The following EPHA10 variants were observed in gnomAD, a reference collection of about 807,000 sequenced individuals.
EPHA10 encodes EPH receptor A10.
In EPHA10, 120 loss-of-function variants were observed where a neutral mutation model predicts 109.7. The observed-to-expected ratio is 1.09, with a 90% confidence interval of 0.94 to 1.27. The LOEUF (loss-of-function observed/expected upper bound fraction) is 1.27. EPHA10 is among the 50% of genes most tolerant of loss of function. EPHA10 has a pLI of 0.00. For missense variants in EPHA10, 1,396 were observed against 1,411.1 expected, an observed-to-expected ratio of 0.99 and a Z score of 0.17; for synonymous variants, 640 against 618.9, an observed-to-expected ratio of 1.03 and a Z score of -0.51.
chr1:37,727,761 T>C (rs1327728774), intron 7 of EPHA10, among the ~76,000 whole-genome samples: 1 of 152,228 alleles, frequency 6.6e-6, no homozygotes, highest in Non-Finnish European at 1.5e-5. Context: ...CAAGATCACA[T>C]GGCTAAAAAG....
downstream of EPHA10, chr1:37,714,616 CTTGGA>C (rs1193100927): frequency 6.6e-6 from 1 of 152,218 alleles, no homozygotes; most frequent in Non-Finnish European, 1.5e-5. Flanking sequence ...GGTGACCATA[CTTGGA>C]GACAGGCCCT....
downstream of EPHA10, chr1:37,715,968 G>A (rs1371576735): frequency 1.7e-6 from 1 of 583,772 alleles, no homozygotes; most frequent in African/African-American, 1.8e-5. Context: ...ACTCAAAGAG[G>A]CACCATATCA....
intron 5 of EPHA10, 127 bp downstream of exon 5, chr1:37,752,749 C>T: frequency 4.1e-6 from 2 of 486,350 alleles, no homozygotes; most frequent in Non-Finnish European, 5.5e-6. Context: ...GGGCGGGGTG[C>T]GTGTACAGAG....
At chr1:37,756,962 A>C (rs1646396189) in intron 3 of EPHA10, among the ~76,000 whole-genome samples, 1 of 152,074 alleles carries the variant, frequency 6.6e-6, no homozygotes. Flanking sequence ...AAGTAGCTGG[A>C]ACCACAGGCA....
chr1:37,760,345 C>T (rs1454728946), intron 3 of EPHA10: 32 of 1,049,360 alleles, frequency 3.0e-5, no homozygotes, highest in Non-Finnish European at 3.5e-5. Flanking sequence ...CCTCTGTATC[C>T]AAAGCCACAG....
In EPHA10 at chr1:37,731,510, C is replaced by T. The variant is rs1292229916; in HGVS notation, c.1564G>A (p.Ala522Thr). 6.2e-7 allele frequency: 1 copy of T among 1,614,070 alleles called. No homozygotes were observed. The highest frequency in any genetic ancestry group is 1.1e-5 in the South Asian group (1 of 91,078). Residue 522 changes from alanine (A) to threonine (T), a missense_variant, in exon 7 of 17, where the codon GCT (alanine) becomes ACT (threonine). Physicochemically the swap from Ala to Thr is moderately conservative, Grantham distance 58. Coordinates refer to ENST00000373048, the MANE Select transcript of EPHA10 (RefSeq NM_001099439.2). ...PTVTVTNLKP[A>T]TRYVFQIRAA... ...CGGATCTGAAAGACGTAGCGGGTAG[C>T]CGGCTTCAGGTTGGTGACGGTGACT...
chr1:37,720,915 C>G (rs866032570), intron 11 of EPHA10, 71 bp from the exon 12 acceptor site: 3 of 1,525,180 alleles, frequency 2.0e-6, no homozygotes, highest in Non-Finnish European at 2.7e-6. Flanking sequence ...GTTTCCCCCC[C>G]AGGGTCCCAG....
chr1:37,762,733 T>A, intron 2 of EPHA10, 52 bp downstream of exon 2: 3 of 1,498,440 alleles, frequency 2.0e-6, no homozygotes, highest in Non-Finnish European at 2.7e-6. Flanking sequence ...GGAGACTGTG[T>A]CCTGGACCAC....
chr1:37,759,866 T>A (rs1301246767), intron 3 of EPHA10, among the ~76,000 whole-genome samples: 1 of 151,294 alleles, frequency 6.6e-6, no homozygotes, highest in Non-Finnish European at 1.5e-5. Flanking sequence ...TACCATGGGG[T>A]AAGTACAGAA....
chr1:37,732,767 C>T (rs980080355), intron 6 of EPHA10, among the ~76,000 whole-genome samples: 3 of 150,206 alleles, frequency 2.0e-5, no homozygotes, highest in African/African-American at 4.9e-5. Flanking sequence ...AGCTGCCAGA[C>T]ACCCGCCCAG....
intron 5 of EPHA10, among the ~76,000 whole-genome samples, chr1:37,744,140 A>C (rs1477215708): frequency 6.6e-6 from 1 of 152,212 alleles, no homozygotes; most frequent in East Asian, 1.9e-4. Context: ...TTAACCTTGG[A>C]CTAAGCAATG....
chr1:37,760,565 G>GC, intron 3 of EPHA10: 1 of 498,480 alleles, frequency 2.0e-6, no homozygotes, highest in Non-Finnish European at 2.7e-6. Context: ...CAAGTATTTG[G>GC]TCCGTGACTG....
At chr1:37,722,838 G>T in intron 10 of EPHA10, 1 of 748,826 alleles carries the variant, frequency 1.3e-6, no homozygotes, top group Non-Finnish European at 2.3e-6. Context: ...AGACCCTTCT[G>T]CCATCCTCTT....
At chr1:37,714,343 G>C (rs186521623), downstream of EPHA10, among the ~76,000 whole-genome samples, 1 of 152,210 alleles carries the variant, frequency 6.6e-6, no homozygotes, top group Non-Finnish European at 1.5e-5. Flanking sequence ...GTGTGTGCAC[G>C]TGTGTCCATG....
chr1:37,716,028 A>C lies in EPHA10; in HGVS notation c.*2344T>G. On this transcript the variant is annotated 3_prime_UTR_variant, in exon 17 of 17. Transcript: ENST00000373048. ...TAGAGAACCCAAGAAATATAAAAAC[A>C]TCTCCAGAAGGAACCCCCTCCGACT... 1.7e-6 allele frequency: 1 copy of C among 577,700 alleles called. No individual in the cohort carries two copies. 35.8% of individuals were successfully genotyped at this position (577,700 alleles called of 1,614,324 possible).
At chr1:37,742,256 T>A (rs1320027548) in intron 5 of EPHA10, among the ~76,000 whole-genome samples, 3 of 152,184 alleles carry the variant, frequency 2.0e-5, no homozygotes, top group South Asian at 4.1e-4. Context: ...TTGTCCCCCT[T>A]TCCTGCTAGC....
At chr1:37,746,101 C>CTTTTCT (rs776460875) in intron 5 of EPHA10, among the ~76,000 whole-genome samples, 4 of 127,444 alleles carry the variant, frequency 3.1e-5, no homozygotes, top group Non-Finnish European at 6.5e-5. Flanking sequence ...CTTTTCTTTT[C>CTTTTCT]TTTTTTTTTT....
intron 5 of EPHA10, 133 bp from the exon 6 acceptor site, chr1:37,735,523 TGGGCGGGGCTA>T (rs928974055): frequency 1.4e-5 from 15 of 1,092,436 alleles, no homozygotes; most frequent in Non-Finnish European, 1.9e-5. Flanking sequence ...TAACGGGCTG[TGGGCGGGGCTA>T]GGGAACTGAC....
chr1:37,739,429 G>A (rs1424735732), intron 5 of EPHA10, among the ~76,000 whole-genome samples: 1 of 152,164 alleles, frequency 6.6e-6, no homozygotes, highest in Admixed American at 6.5e-5. Flanking sequence ...ACTCACACCT[G>A]TAAACCCAGT....
Sources: gnomAD v4.1 joint callset for allele counts (sites outside exome capture counted in the v4.1 genomes callset) on GRCh38, gnomAD v4.1.1 for gene constraint, MANE v1.5 for transcripts, NCBI Gene and HGNC (gene_info 2026-07-23, HGNC 2026-07-21) for gene names.